Variants in DIAPH2 observed in about 807,000 individuals in gnomAD.
The protein encoded by DIAPH2 is diaphanous related formin 2.
DIAPH2 carries 35 observed loss-of-function variants against 92.7 expected under a neutral mutation model. The observed-to-expected ratio is 0.38, with a 90% CI of 0.29 to 0.50. DIAPH2 has a LOEUF of 0.50. Ranked by LOEUF, DIAPH2 falls within the 20% of genes least tolerant of loss-of-function variation. The probability of loss-of-function intolerance (pLI) is 0.94; values close to 1 mark genes in which losing one functional copy is unlikely to be tolerated. For missense variants in DIAPH2, 701 were observed against 819.5 expected (o/e 0.86, Z 1.77); for synonymous variants, 301 against 280.4 (o/e 1.07, Z -0.73).
chrX:97,469,814 A>T (rs1343892992), intron 26 of DIAPH2: 3 of 1,168,307 alleles, frequency 2.6e-6, no homozygotes, highest in Non-Finnish European at 3.4e-6. Context: ...ATCAAGTAGT[A>T]AAAGTTTCTA....
At chrX:97,089,987 C>G (rs1371015044) in intron 19 of DIAPH2, among the ~76,000 whole-genome samples, 1 of 112,165 alleles carries the variant, frequency 8.9e-6, no homozygotes, top group African/African-American at 3.2e-5. Flanking sequence ...TTCAGCCTCC[C>G]AAAGTGCTGG....
chrX:96,886,040 A>G (rs1199133727), intron 5 of DIAPH2, among the ~76,000 whole-genome samples: 1 of 111,059 alleles, frequency 9.0e-6, no homozygotes, highest in Non-Finnish European at 1.9e-5. Context: ...ACATTTGAAA[A>G]AGCCTTTTTG....
chrX:97,183,182 G>A (rs777456320), intron 22 of DIAPH2, among the ~76,000 whole-genome samples: 4 of 111,489 alleles, frequency 3.6e-5, no homozygotes, highest in African/African-American at 1.3e-4. Flanking sequence ...GACATGGGTT[G>A]GAAAATGTCA....
rs780366303 is a variant in DIAPH2, at chrX:96,904,186, T to C, written c.588-8142T>C. Among the ~76,000 whole-genome samples, 14 of 111,904 alleles carry C rather than the reference T, an allele frequency of 1.3e-4. No individual in the cohort carries two copies. In the East Asian group the frequency reaches 3.6e-3, roughly 29 times the overall value. ...AAGGCAATTGTAATCTATCACAACATTGAAGTCAAAACCACTCAGAGGTAG... is the reference window on the plus strand; with the variant it reads ...AAGGCAATTGTAATCTATCACAACACTGAAGTCAAAACCACTCAGAGGTAG... On this transcript the variant is annotated intron_variant, in intron 5 of 26. Coordinates refer to ENST00000324765, the MANE Select transcript of DIAPH2 (RefSeq NM_006729.5).
chrX:96,875,129 A>C, intron 4 of DIAPH2, among the ~76,000 whole-genome samples: 1 of 112,648 alleles, frequency 8.9e-6, no homozygotes, highest in Non-Finnish European at 1.9e-5. Context: ...CATATGCAAC[A>C]TAAATAAATA....
chrX:97,351,132 G>T (rs904067464), intron 24 of DIAPH2, among the ~76,000 whole-genome samples: 1 of 112,318 alleles, frequency 8.9e-6, no homozygotes, highest in East Asian at 2.8e-4. Context: ...GGTGTGCAAC[G>T]TATTAACTGT....
intron 26 of DIAPH2, among the ~76,000 whole-genome samples, chrX:97,556,361 T>G (rs1242082079): frequency 1.8e-5 from 2 of 112,296 alleles, no homozygotes; most frequent in Non-Finnish European, 3.8e-5. Flanking sequence ...GGGTGCTGTA[T>G]GAGTTTCCTA....
At chrX:97,582,961 C>T (rs1444897117) in intron 26 of DIAPH2, among the ~76,000 whole-genome samples, 1 of 111,742 alleles carries the variant, frequency 8.9e-6, no homozygotes, top group African/African-American at 3.3e-5. Flanking sequence ...TCCAGTTGAT[C>T]GCATCGGCTC....
At chrX:97,175,552 C>T (rs770623729) in intron 22 of DIAPH2, among the ~76,000 whole-genome samples, 29 of 111,927 alleles carry the variant, frequency 2.6e-4, no homozygotes, top group African/African-American at 8.7e-4. Flanking sequence ...CTGCTAGCTG[C>T]GAGAATGGCA....
At chrX:97,019,923 C>T (rs1383843982) in intron 17 of DIAPH2, among the ~76,000 whole-genome samples, 1 of 112,318 alleles carries the variant, frequency 8.9e-6, no homozygotes, top group Non-Finnish European at 1.9e-5. Context: ...TTATGTGAAA[C>T]AGATCCTTGG....
intron 17 of DIAPH2, among the ~76,000 whole-genome samples, chrX:97,037,920 T>C (rs2066422122): frequency 9.0e-6 from 1 of 111,410 alleles, no homozygotes; most frequent in Non-Finnish European, 1.9e-5. Flanking sequence ...ATGAATTACA[T>C]AGTAGTAAAG....
intron 10 of DIAPH2, among the ~76,000 whole-genome samples, chrX:96,933,526 GTGTGTATATA>G (rs1249830796): frequency 9.6e-6 from 1 of 104,453 alleles, no homozygotes; most frequent in African/African-American, 3.5e-5. Context: ...ATATATATGT[GTGTGTATATA>G]TGTGTATATA....
At chrX:97,129,132 TTTTCTTTTCTTTTC>T (rs1275880806) in intron 21 of DIAPH2, among the ~76,000 whole-genome samples, 46 of 89,248 alleles carry the variant, frequency 5.2e-4, no homozygotes, top group South Asian at 1.5e-3. Flanking sequence ...TTTTCTTTTC[TTTTCTTTTCTTTTC>T]TTTCTTTTCT....
At chrX:96,736,263 C>G (rs919086489) in intron 2 of DIAPH2, among the ~76,000 whole-genome samples, 4 of 110,252 alleles carry the variant, frequency 3.6e-5, no homozygotes, top group African/African-American at 1.3e-4. Context: ...TAAATATACC[C>G]TTTTATAGCT....
intron 22 of DIAPH2, among the ~76,000 whole-genome samples, chrX:97,226,498 C>T (rs1423837634): frequency 1.8e-5 from 2 of 110,465 alleles, no homozygotes; most frequent in East Asian, 2.9e-4. Flanking sequence ...CTCAGCCTCC[C>T]GAGTAGCTGG....
intron 26 of DIAPH2, among the ~76,000 whole-genome samples, chrX:97,535,490 C>T (rs975145120): frequency 8.1e-5 from 9 of 111,740 alleles, no homozygotes; most frequent in Non-Finnish European, 1.7e-4. Flanking sequence ...CTCACTCTAT[C>T]GCCCAGGTTG....
intron 25 of DIAPH2, among the ~76,000 whole-genome samples, chrX:97,423,359 TGTAA>T (rs916075950): frequency 5.4e-5 from 6 of 111,822 alleles, no homozygotes; most frequent in Non-Finnish European, 7.5e-5. Flanking sequence ...GAGAATTGTC[TGTAA>T]GTAAGTATGT....
intron 23 of DIAPH2, among the ~76,000 whole-genome samples, chrX:97,342,534 AT>A (rs1410447822): frequency 9.8e-5 from 11 of 111,847 alleles, no homozygotes; most frequent in Non-Finnish European, 2.1e-4. Context: ...CACACAATTT[AT>A]TTTTTAAAAA....
At chrX:97,500,003 G>A (rs1026487568) in intron 26 of DIAPH2, among the ~76,000 whole-genome samples, 19 of 112,232 alleles carry the variant, frequency 1.7e-4, no homozygotes, top group African/African-American at 6.1e-4. Context: ...TTAGATATGC[G>A]ATATGGGCTA....
Sources: allele counts gnomAD v4.1 joint callset (sites outside exome capture counted in the v4.1 genomes callset), GRCh38; gene constraint gnomAD v4.1.1; transcripts MANE v1.5; gene names NCBI Gene and HGNC (gene_info 2026-07-23, HGNC 2026-07-21).